Variants in CSMD3 observed in about 807,000 individuals in gnomAD.
CSMD3 encodes CUB and Sushi multiple domains 3.
CSMD3 carries 177 observed loss-of-function variants against 435.2 expected under a neutral mutation model. That is an observed-to-expected ratio of 0.41 (90% CI 0.36 to 0.46). CSMD3 has a LOEUF of 0.46. Among genes scored for constraint, CSMD3 ranks in the 20% least tolerant of loss-of-function variants. CSMD3 has a pLI of 0.34. For missense variants in CSMD3, 4,265 were observed against 4,504.6 expected (o/e 0.95, Z 1.52); for synonymous variants, 1,656 against 1,520.5 (o/e 1.09, Z -2.07).
At chr8:112,880,302 T>C (rs2081411244) in intron 10 of CSMD3, among the ~76,000 whole-genome samples, 3 of 152,026 alleles carry the variant, frequency 2.0e-5, no homozygotes, top group Admixed American at 2.0e-4. Context: ...ACTTAGAATG[T>C]TTCAATGCAA....
chr8:112,574,749 T>C (rs376851026), intron 23 of CSMD3, among the ~76,000 whole-genome samples: 5 of 151,980 alleles, frequency 3.3e-5, no homozygotes, highest in African/African-American at 1.2e-4. Flanking sequence ...CAGACTTTAT[T>C]CCATACTATT....
chr8:113,107,436 A>AGTTTCCGCC (rs1240134012), intron 4 of CSMD3, among the ~76,000 whole-genome samples: 4 of 152,178 alleles, frequency 2.6e-5, no homozygotes, highest in Admixed American at 6.5e-5. Context: ...ATTGTCCCCC[A>AGTTTCCGCC]GTTTCCGCCA....
At chr8:113,018,980 A>G (rs957524918) in intron 6 of CSMD3, 87 bp downstream of exon 6, 2 of 903,200 alleles carry the variant, frequency 2.2e-6, no homozygotes, top group African/African-American at 3.3e-5. Flanking sequence ...TCTAAATGCT[A>G]AAGACATTTT....
intron 3 of CSMD3, among the ~76,000 whole-genome samples, chr8:113,220,524 T>C (rs1258051137): frequency 6.6e-6 from 1 of 151,408 alleles, no homozygotes; most frequent in Non-Finnish European, 1.5e-5. Context: ...AAAAAATTAA[T>C]GCAAAGGCCT....
chr8:113,201,441 A>G (rs925405618), intron 3 of CSMD3, among the ~76,000 whole-genome samples: 1 of 151,996 alleles, frequency 6.6e-6, no homozygotes, highest in Non-Finnish European at 1.5e-5. Context: ...GTGAGTCAGA[A>G]TGACACAAAT....
chr8:113,348,737 GT>G (rs1016174982), intron 1 of CSMD3, among the ~76,000 whole-genome samples: 1 of 151,896 alleles, frequency 6.6e-6, no homozygotes, highest in South Asian at 2.1e-4. Context: ...TTGTTTTGGG[GT>G]TTTTTTATTT....
intron 13 of CSMD3, among the ~76,000 whole-genome samples, chr8:112,750,352 C>A (rs2077539295): frequency 1.3e-5 from 2 of 151,524 alleles, no homozygotes; most frequent in African/African-American, 4.8e-5. Context: ...TATTAAATAT[C>A]AACTATGGGT....
intron 35 of CSMD3, among the ~76,000 whole-genome samples, chr8:112,391,588 A>G (rs897306124): frequency 2.0e-5 from 3 of 152,016 alleles, no homozygotes; most frequent in African/African-American, 7.2e-5. Flanking sequence ...GCTACTCTGG[A>G]GGCTGAGGCA....
intron 5 of CSMD3, among the ~76,000 whole-genome samples, chr8:113,074,916 G>A (rs1045893323): frequency 2.6e-5 from 4 of 151,696 alleles, no homozygotes; most frequent in East Asian, 3.9e-4. Context: ...TAAACATTAT[G>A]TCGTATCCAG....
intron 12 of CSMD3, among the ~76,000 whole-genome samples, chr8:112,826,682 A>G (rs2079689721): frequency 6.6e-6 from 1 of 152,076 alleles, no homozygotes; most frequent in Admixed American, 6.5e-5. Flanking sequence ...GAATCTGGAT[A>G]TCTCGATTGC....
intron 7 of CSMD3, among the ~76,000 whole-genome samples, chr8:112,958,170 T>C (rs992474384): frequency 6.6e-6 from 1 of 152,188 alleles, no homozygotes; most frequent in Admixed American, 6.5e-5. Flanking sequence ...TGAAGCACTT[T>C]CATTTGTAAA....
chr8:112,841,485 C>A (rs544801923), intron 11 of CSMD3, among the ~76,000 whole-genome samples: 3 of 151,804 alleles, frequency 2.0e-5, no homozygotes, highest in Non-Finnish European at 4.4e-5. Context: ...AGGGTGATTT[C>A]TTTACATGAT....
At chr8:112,410,700 GTGTA>G (rs1811226660) in intron 32 of CSMD3, among the ~76,000 whole-genome samples, 5 of 125,100 alleles carry the variant, frequency 4.0e-5, no homozygotes, top group Admixed American at 8.8e-5. Flanking sequence ...ATATATATAT[GTGTA>G]TATATATATA....
At chr8:112,289,821 G>A (rs886273166) in intron 56 of CSMD3, among the ~76,000 whole-genome samples, 32 of 152,076 alleles carry the variant, frequency 2.1e-4, no homozygotes, top group Admixed American at 7.2e-4. Context: ...AAATCTGTAC[G>A]TGTGAGAGTG....
intron 4 of CSMD3, among the ~76,000 whole-genome samples, chr8:113,168,519 CAAAAAAAA>C (rs71281204): frequency 1.1e-3 from 18 of 17,018 alleles, no homozygotes; most frequent in East Asian, 3.4e-3. Flanking sequence ...GACTCTGTCT[CAAAAAAAA>C]AAAAAAAAAA....
chr8:113,421,430 C>G (rs1648090628), intron 1 of CSMD3, among the ~76,000 whole-genome samples: 1 of 152,112 alleles, frequency 6.6e-6, no homozygotes, highest in African/African-American at 2.4e-5. Context: ...AAAGTTGAAA[C>G]AATAGATAGG....
chr8:113,255,270 C>A (rs565328655), intron 3 of CSMD3, among the ~76,000 whole-genome samples: 37 of 152,162 alleles, frequency 2.4e-4, no homozygotes, highest in African/African-American at 8.2e-4. Flanking sequence ...AGCTCTGTTA[C>A]TTACATATAA....
At chr8:112,730,171 A>G (rs189395141) in intron 13 of CSMD3, among the ~76,000 whole-genome samples, 1 of 152,230 alleles carries the variant, frequency 6.6e-6, no homozygotes, top group Admixed American at 6.6e-5. Flanking sequence ...AAGACTAAAC[A>G]AGGATCTAGA....
At chr8:113,384,972 T>C (rs2094433122) in intron 1 of CSMD3, among the ~76,000 whole-genome samples, 1 of 152,132 alleles carries the variant, frequency 6.6e-6, no homozygotes, top group South Asian at 2.1e-4. Flanking sequence ...AGTGAATAGC[T>C]TAATAACCAG....
Sources: allele counts gnomAD v4.1 joint callset (sites outside exome capture counted in the v4.1 genomes callset), GRCh38; gene constraint gnomAD v4.1.1; transcripts MANE v1.5; gene names NCBI Gene and HGNC (gene_info 2026-07-23, HGNC 2026-07-21).